HECW1: variants seen among roughly 807,000 people sequenced by gnomAD.
HECW1 encodes the protein HECT, C2 and WW domain containing E3 ubiquitin protein ligase 1.
HECW1 carries 61 observed loss-of-function variants against 182.3 expected under a neutral mutation model. The observed-to-expected ratio is 0.33, with a 90% CI of 0.27 to 0.41. The LOEUF is 0.41. Among genes scored for constraint, HECW1 ranks in the 10% least tolerant of loss-of-function variants. The pLI is 1.00. For synonymous variants in HECW1, 859 were observed against 832.6 expected (o/e 1.03, Z -0.55); for missense variants, 1,739 against 2,108.9 (o/e 0.82, Z 3.44).
intron 12 of HECW1, among the ~76,000 whole-genome samples, chr7:43,454,703 G>A (rs1466893061): frequency 1.3e-5 from 2 of 152,138 alleles, no homozygotes; most frequent in African/African-American, 4.8e-5. Context: ...GATATACTAT[G>A]TACATATAAA....
Position 43,444,885 on chromosome 7 carries a change from C to T in HECW1, c.1713C>T (p.Pro571=), listed in dbSNP as rs1319726871. The change falls in exon 11 of 30, where the codon CCC becomes CCT. Residue 571 remains proline, a synonymous_variant. Coordinates refer to ENST00000395891, the MANE Select transcript of HECW1 (RefSeq NM_015052.5). The surrounding 1 kb of genome is among the most constrained non-coding windows in gnomAD (Gnocchi z 4.3). ...IRIHTLLHSM[P]SAQGGSAAEE... The stretch of plus-strand genomic sequence containing the variant: ...TCCACACCCTGCTGCACAGCATGCC[C>T]TCCGCCCAGGGCGGCAGCGCGGCAG... 2 of 1,607,142 alleles carry T rather than the reference C, an allele frequency of 1.2e-6. No individual in the cohort carries two copies. Among genetic ancestry groups the T allele is most frequent in the Non-Finnish European group, 1.7e-6 (2 of 1,175,746 alleles).
chr7:43,198,765 ACT>A (rs144605382), intron 2 of HECW1, among the ~76,000 whole-genome samples: 103 of 148,656 alleles, frequency 6.9e-4, no homozygotes, highest in Middle Eastern at 3.5e-3. Context: ...AGATTTGCAC[ACT>A]CTCTCACACA....
At chr7:43,468,862 T>A in intron 15 of HECW1, 58 bp from the exon 16 acceptor site, 1 of 1,492,852 alleles carries the variant, frequency 6.7e-7, no homozygotes, top group Non-Finnish European at 9.3e-7. Flanking sequence ...ATAGTGTGCT[T>A]GCTCTATGTT....
At chr7:43,431,812 G>A (rs2076555994) in intron 8 of HECW1, among the ~76,000 whole-genome samples, 2 of 151,748 alleles carry the variant, frequency 1.3e-5, no homozygotes, top group African/African-American at 4.8e-5. Flanking sequence ...GTGAACTTCA[G>A]CCCCTGCCCA....
intron 24 of HECW1, among the ~76,000 whole-genome samples, chr7:43,525,850 G>A (rs1316880501): frequency 2.0e-5 from 3 of 152,222 alleles, no homozygotes; most frequent in Non-Finnish European, 4.4e-5. Context: ...TAGGGGTACA[G>A]AGGAGAGGGG....
chr7:43,469,170 G>A, intron 16 of HECW1, 65 bp downstream of exon 16: 1 of 1,521,420 alleles, frequency 6.6e-7, no homozygotes, highest in Non-Finnish European at 9.0e-7. Context: ...AAGCTAGCAA[G>A]GGCGTGAGGA....
rs370531251 is a variant in HECW1 at position 43,460,093 on chromosome 7, G to C, written c.2652-3567G>C. 2.0e-5 allele frequency among the ~76,000 whole-genome samples: 3 copies of C among 152,164 alleles called. No homozygotes were observed. In the East Asian group the frequency reaches 5.8e-4, roughly 29 times the overall value. ...CTTATTGCTTTTGTCACTGTTTTTTGTCACAAGGGCCTGCTAAATACTAAG... is the reference window on the plus strand; with the variant it reads ...CTTATTGCTTTTGTCACTGTTTTTTCTCACAAGGGCCTGCTAAATACTAAG... On this transcript the variant is annotated intron_variant, in intron 13 of 29. Coordinates refer to ENST00000395891, the MANE Select transcript of HECW1 (RefSeq NM_015052.5).
intron 3 of HECW1, among the ~76,000 whole-genome samples, chr7:43,302,718 G>T (rs556659477): frequency 4.6e-5 from 7 of 152,192 alleles, no homozygotes; most frequent in African/African-American, 1.7e-4. Flanking sequence ...CCCTGGAGCC[G>T]CACTGTGGTT....
In HECW1 at chr7:43,285,792, A is replaced by AAAAAT. The variant is rs145080794; in HGVS notation, c.28-25947_28-25943dup. Among the ~76,000 whole-genome samples the AAAAAT allele has an allele frequency of 4.2e-3, 634 of 152,024 alleles. 1 individual carries two copies. Among genetic ancestry groups the AAAAAT allele is most frequent in the African/African-American group, 9.5e-3 (391 of 41,304 alleles). On this transcript the variant is annotated intron_variant, in intron 3 of 29. Coordinates refer to ENST00000395891, the MANE Select transcript of HECW1 (RefSeq NM_015052.5). ...CTGAGTGACAGACCCCATCTCAACA[A>AAAAAT]AAAATAAAATAAAATAAAATAAAAT...
At chr7:43,343,535 C>T (rs532325976) in intron 5 of HECW1, among the ~76,000 whole-genome samples, 11 of 151,652 alleles carry the variant, frequency 7.3e-5, no homozygotes, top group Admixed American at 2.0e-4. Flanking sequence ...TCTGTCCTTG[C>T]AATAGTTTGC....
intron 3 of HECW1, among the ~76,000 whole-genome samples, chr7:43,252,331 T>C (rs1057003645): frequency 6.6e-6 from 1 of 152,198 alleles, no homozygotes; most frequent in African/African-American, 2.4e-5. Context: ...GGCTTGTGGT[T>C]CTTCTGCTGA....
chr7:43,257,972 A>G (rs1800758318), intron 3 of HECW1, among the ~76,000 whole-genome samples: 2 of 152,212 alleles, frequency 1.3e-5, no homozygotes, highest in Admixed American at 6.5e-5. Flanking sequence ...TCCCAATCCT[A>G]TGAATCTGAT....
intron 24 of HECW1, among the ~76,000 whole-genome samples, chr7:43,537,735 C>T (rs761760584): frequency 7.2e-5 from 11 of 152,142 alleles, no homozygotes; most frequent in Non-Finnish European, 1.3e-4. Context: ...AGAGTCATCC[C>T]GTCTGTGGTT....
At chr7:43,555,313 G>A (rs771920462) in intron 29 of HECW1, among the ~76,000 whole-genome samples, 3 of 152,158 alleles carry the variant, frequency 2.0e-5, no homozygotes, top group African/African-American at 7.2e-5. Context: ...TCTATTGTGG[G>A]ATAAATGTGG....
At chr7:43,362,940 C>T (rs1486357862) in intron 6 of HECW1, among the ~76,000 whole-genome samples, 1 of 152,236 alleles carries the variant, frequency 6.6e-6, no homozygotes, top group Non-Finnish European at 1.5e-5. Context: ...AGAGGAGTTC[C>T]TCACCTTCTT....
At chr7:43,165,200 ATTGT>A (rs1790972691) in intron 2 of HECW1, among the ~76,000 whole-genome samples, 2 of 152,246 alleles carry the variant, frequency 1.3e-5, no homozygotes, top group African/African-American at 2.4e-5. Flanking sequence ...CAGTGCACTG[ATTGT>A]TTGTAATGTT....
intron 2 of HECW1, among the ~76,000 whole-genome samples, chr7:43,171,755 T>C (rs1791714968): frequency 6.6e-6 from 1 of 152,206 alleles, no homozygotes; most frequent in African/African-American, 2.4e-5. Context: ...TGGGCATCCT[T>C]ATCCCTTCTC....
chr7:43,461,823 G>T (rs528342842), intron 13 of HECW1, among the ~76,000 whole-genome samples: 1 of 152,316 alleles, frequency 6.6e-6, no homozygotes, highest in South Asian at 2.1e-4. Context: ...GGCAAAGGTG[G>T]CTTCTGAAAG....
intron 6 of HECW1, among the ~76,000 whole-genome samples, chr7:43,392,183 T>C (rs2075055705): frequency 6.6e-6 from 1 of 152,252 alleles, no homozygotes; most frequent in African/African-American, 2.4e-5. Context: ...AGTGACATAA[T>C]GAATTTTAAT....
Sources: gnomAD v4.1 joint callset for allele counts (sites outside exome capture counted in the v4.1 genomes callset) on GRCh38, gnomAD v4.1.1 for gene constraint, Gnocchi (gnomAD v3.1) non-coding constraint, MANE v1.5 for transcripts, NCBI Gene and HGNC (gene_info 2026-07-23, HGNC 2026-07-21) for gene names.